POLR2B: variants seen among roughly 807,000 people sequenced by gnomAD.
The protein encoded by POLR2B is RNA polymerase II subunit B.
In POLR2B, 57 loss-of-function variants were observed where a neutral mutation model predicts 144.6. The ratio of observed to expected loss-of-function variants is 0.39; its 90% CI spans 0.32 to 0.49. The LOEUF (loss-of-function observed/expected upper bound fraction) is 0.49, where lower values mean the gene tolerates loss of function less well. Ranked by LOEUF, POLR2B falls within the 20% of genes least tolerant of loss-of-function variation. The pLI is 0.83. For missense variants in POLR2B, 595 were observed against 1,467.4 expected (o/e 0.41, Z 9.71); for synonymous variants, 442 against 469.8 (o/e 0.94, Z 0.77).
At chr4:56,995,540 T>C in intron 6 of POLR2B, 131 bp downstream of exon 6, 1 of 546,466 alleles carries the variant, frequency 1.8e-6, no homozygotes, top group Non-Finnish European at 3.1e-6. Flanking sequence ...TGTTTACCTA[T>C]CGCTGTGTAA....
chr4:57,022,564 T>C (rs1723588612), intron 18 of POLR2B, among the ~76,000 whole-genome samples: 1 of 152,200 alleles, frequency 6.6e-6, no homozygotes, highest in Admixed American at 6.5e-5. Context: ...TCCCCCTTCC[T>C]TTCTAAATTA....
chr4:56,998,510 G>A (rs1205215077), intron 6 of POLR2B, among the ~76,000 whole-genome samples: 7 of 151,402 alleles, frequency 4.6e-5, no homozygotes, highest in South Asian at 2.1e-4. Flanking sequence ...GTGAGCCACC[G>A]TGCCCAGCCT....
intron 14 of POLR2B, 48 bp from the exon 15 acceptor site, chr4:57,016,995 T>TA: frequency 1.9e-6 from 2 of 1,027,838 alleles, no homozygotes; most frequent in Non-Finnish European, 2.8e-6. Flanking sequence ...GAGGAATAGT[T>TA]AGTTAAAATA....
rs1244304501 is a variant in POLR2B at position 57,017,351 on chromosome 4, A to G, written c.2154+110A>G. 5.9e-6 allele frequency: 5 copies of G among 844,382 alleles called. No individual in the cohort carries two copies. The highest frequency in any genetic ancestry group is 9.5e-6 in the Non-Finnish European group (5 of 524,386). 52.3% of individuals were successfully genotyped at this position (844,382 alleles called of 1,614,324 possible). On this transcript the variant is annotated intron_variant, in intron 15 of 24. Transcript: ENST00000314595. This position sits in a 1 kb window ranked among gnomAD's most constrained non-coding sequence, Gnocchi z 4.8. ...GAAAAAGCCTTTTAATGAAAAGGCT[A>G]TTAACTCCTACGGAATCAGTATTTG... is the stretch of plus-strand genomic sequence containing the variant.
chr4:56,979,130 C>T, intron 1 of POLR2B, 126 bp downstream of exon 1: 1 of 997,774 alleles, frequency 1.0e-6, no homozygotes, highest in Non-Finnish European at 1.6e-6. Flanking sequence ...CTTGTTCCCA[C>T]ACTTACCAGG....
At chr4:57,000,334 T>G (rs776509913) in intron 7 of POLR2B, among the ~76,000 whole-genome samples, 2 of 152,030 alleles carry the variant, frequency 1.3e-5, no homozygotes, top group Non-Finnish European at 2.9e-5. Context: ...GGAGGCTGAG[T>G]TGGGAAGATC....
Position 57,023,210 on chromosome 4 carries a change from G to A in POLR2B, c.2516-120G>A. 1.2e-6 allele frequency: 1 copy of A among 829,074 alleles called. No individual in the cohort carries two copies. The highest frequency in any genetic ancestry group is 1.9e-6 in the Non-Finnish European group (1 of 520,462). 51.4% of individuals were successfully genotyped at this position (829,074 alleles called of 1,614,324 possible). ...GAATAGTTTGTAATATTTGGAATAA[G>A]GGTGTGATTCATGGTATAGAGACTC... On this transcript the variant is annotated intron_variant, in intron 18 of 24. Transcript: ENST00000314595. This position sits in a 1 kb window ranked among gnomAD's most constrained non-coding sequence, Gnocchi z 4.3.
In POLR2B at chr4:56,989,955, G is replaced by A. The variant is rs529383227; in HGVS notation, c.93-793G>A. On this transcript the variant is annotated intron_variant, in intron 2 of 24. Coordinates refer to ENST00000314595, the MANE Select transcript of POLR2B (RefSeq NM_000938.3). ...TTTAGATTGCAGCTCTCTCAGCCAT[G>A]CTGCATTTTTATCACCAGTCTTTTG... 4.4e-4 allele frequency among the ~76,000 whole-genome samples: 67 copies of A among 152,194 alleles called. No individual in the cohort carries two copies. In the South Asian group the frequency reaches 0.013, roughly 30 times the overall value.
At position 56,995,299 on chromosome 4, in the gene POLR2B, G is replaced by T. The variant is rs771213424; in HGVS notation, c.625G>T (p.Ala209Ser). The change falls in exon 6 of 25, where the codon GCC becomes TCC. Residue 209 changes from alanine to serine, a missense_variant. Around this residue, in one of 9 missense-constraint regions of POLR2B, gnomAD observed 251 missense variants for 567.3 expected, o/e 0.44. Transcript: ENST00000314595. ...GGCAACAAACACAGTTTATGTGTTTGCCAAAAAGGATTCTAAATATGCCTA... is the reference window on the plus strand; with the variant it reads ...GGCAACAAACACAGTTTATGTGTTTTCCAAAAAGGATTCTAAATATGCCTA... ...KMATNTVYVF[A>S]KKDSKYAYTG... 14 of 1,613,068 alleles carry T rather than the reference G, an allele frequency of 8.7e-6. No homozygotes were observed. The South Asian group carries it at 1.5e-4, about 18-fold the overall frequency.
chr4:57,011,245 C>T, intron 13 of POLR2B, 145 bp downstream of exon 13: 1 of 646,108 alleles, frequency 1.5e-6, no homozygotes, highest in East Asian at 2.8e-5. Flanking sequence ...TAAGTTATTG[C>T]TAGGCCGGGT....
intron 13 of POLR2B, 142 bp downstream of exon 13, chr4:57,011,242 T>C: frequency 6.1e-6 from 4 of 651,098 alleles, no homozygotes; most frequent in Non-Finnish European, 1.1e-5. Flanking sequence ...TTATAAGTTA[T>C]TGCTAGGCCG....
In POLR2B at chr4:56,986,250, T is replaced by G. The variant is rs752472747; in HGVS notation, c.20-104T>G. The G allele has an allele frequency of 2.5e-5, 20 of 785,012 alleles. No individual in the cohort carries two copies. The South Asian group carries it at 2.7e-4, about 11-fold the overall frequency. 48.6% of individuals were successfully genotyped at this position (785,012 alleles called of 1,614,324 possible). The stretch of plus-strand genomic sequence containing the variant: ...AAAAGTGGGGTGAAAGCATTACTTA[T>G]TCAGCAGAAAGTAAATATGTTTCTG... On this transcript the variant is annotated intron_variant, in intron 1 of 24. Transcript: ENST00000314595.
At chr4:56,981,179 T>A (rs570900821) in intron 1 of POLR2B, among the ~76,000 whole-genome samples, 1 of 152,230 alleles carries the variant, frequency 6.6e-6, no homozygotes, top group East Asian at 1.9e-4. Context: ...ATATTCACAC[T>A]TTTCTCCACT....
At chr4:56,997,425 T>C (rs1290802895) in intron 6 of POLR2B, among the ~76,000 whole-genome samples, 2 of 152,018 alleles carry the variant, frequency 1.3e-5, no homozygotes, top group Admixed American at 1.3e-4. Context: ...CCTGGCTAAT[T>C]TTTGTATTTT....
At chr4:57,030,115 G>A in intron 23 of POLR2B, 89 bp from the exon 24 acceptor site, 3 of 1,057,368 alleles carry the variant, frequency 2.8e-6, no homozygotes, top group East Asian at 2.5e-5. Flanking sequence ...ATCCGTCTTT[G>A]CAAATATTAT....
At chr4:56,979,715 A>G (rs574623488) in intron 1 of POLR2B, among the ~76,000 whole-genome samples, 6 of 152,212 alleles carry the variant, frequency 3.9e-5, no homozygotes, top group Middle Eastern at 3.4e-3. Context: ...CCTGACAAAC[A>G]TGGGGAAATC....
intron 13 of POLR2B, among the ~76,000 whole-genome samples, chr4:57,012,259 G>C (rs889689208): frequency 6.6e-6 from 1 of 152,076 alleles, no homozygotes; most frequent in African/African-American, 2.4e-5. Context: ...AAAAAAATCA[G>C]CTGGGCATGG....
intron 1 of POLR2B, among the ~76,000 whole-genome samples, chr4:56,980,042 C>T (rs1407686151): frequency 1.3e-5 from 2 of 151,936 alleles, no homozygotes; most frequent in African/African-American, 4.8e-5. Flanking sequence ...TCTATTCCCT[C>T]AGGTACTTCT....
chr4:57,016,366 T>A (rs532236757), intron 14 of POLR2B, among the ~76,000 whole-genome samples: 1 of 152,016 alleles, frequency 6.6e-6, no homozygotes, highest in South Asian at 2.1e-4. Flanking sequence ...GGGCAACATA[T>A]TGAGACTCCC....
Sources: allele counts gnomAD v4.1 joint callset (sites outside exome capture counted in the v4.1 genomes callset), GRCh38; gene constraint gnomAD v4.1.1; regional missense constraint gnomAD v4.1.1; non-coding constraint Gnocchi (gnomAD v3.1); transcripts MANE v1.5; gene names NCBI Gene and HGNC (gene_info 2026-07-23, HGNC 2026-07-21).